DOCK3: variants seen among roughly 807,000 people sequenced by gnomAD.
DOCK3 encodes dedicator of cytokinesis protein 3.
Under a neutral mutation model 265.6 loss-of-function variants are expected in DOCK3, and 60 were observed. That is an observed-to-expected ratio of 0.23 (90% CI 0.18 to 0.28). The LOEUF is 0.28. Among genes scored for constraint, DOCK3 ranks in the 10% least tolerant of loss-of-function variants. The pLI is 1.00. For synonymous variants in DOCK3, 881 were observed against 938.0 expected (o/e 0.94, Z 1.11); for missense variants, 1,981 against 2,594.3 (o/e 0.76, Z 5.14).
intron 3 of DOCK3, among the ~76,000 whole-genome samples, chr3:50,844,038 A>C (rs2045967615): frequency 6.6e-6 from 1 of 152,206 alleles, no homozygotes; most frequent in Non-Finnish European, 1.5e-5. Context: ...ATCTTATTTC[A>C]GTCATAATAA....
intron 2 of DOCK3, among the ~76,000 whole-genome samples, chr3:50,801,644 A>G (rs762921461): frequency 2.6e-5 from 4 of 152,156 alleles, no homozygotes; most frequent in African/African-American, 4.8e-5. Flanking sequence ...AGAATGTTCA[A>G]TGGGCTGATG....
intron 35 of DOCK3, among the ~76,000 whole-genome samples, chr3:51,335,073 T>G (rs1054140246): frequency 6.6e-6 from 1 of 152,218 alleles, no homozygotes; most frequent in African/African-American, 2.4e-5. Context: ...ATAATGTTGA[T>G]GATGGCCCCT....
intron 32 of DOCK3, among the ~76,000 whole-genome samples, chr3:51,319,817 A>G (rs2083580549): frequency 6.6e-6 from 1 of 151,596 alleles, no homozygotes; most frequent in Non-Finnish European, 1.5e-5. Flanking sequence ...GTGAGCTGAG[A>G]TTGCACCACT....
At chr3:50,994,280 C>A (rs750076952) in intron 5 of DOCK3, among the ~76,000 whole-genome samples, 1 of 152,172 alleles carries the variant, frequency 6.6e-6, no homozygotes. Flanking sequence ...ATTTATCAAG[C>A]AGTTACAATG....
intron 10 of DOCK3, among the ~76,000 whole-genome samples, chr3:51,156,729 G>T (rs2085869790): frequency 6.6e-6 from 1 of 152,138 alleles, no homozygotes; most frequent in Non-Finnish European, 1.5e-5. Flanking sequence ...TCAGCCACTT[G>T]AAAAATACCA....
At chr3:50,721,970 A>G (rs1169665960) in intron 1 of DOCK3, among the ~76,000 whole-genome samples, 1 of 152,122 alleles carries the variant, frequency 6.6e-6, no homozygotes, top group Non-Finnish European at 1.5e-5. Context: ...CCACCTGGCA[A>G]TTATTTTCTA....
chr3:51,247,844 G>C (rs939907561), intron 22 of DOCK3, among the ~76,000 whole-genome samples: 2 of 152,162 alleles, frequency 1.3e-5, no homozygotes, highest in African/African-American at 4.8e-5. Context: ...GCAGGGTGCT[G>C]AGGCATGTGA....
rs1222917402 is a variant in DOCK3, at chr3:51,075,381, C to T, written c.490C>T (p.Arg164Trp). The T allele has an allele frequency of 1.2e-6, 2 of 1,611,016 alleles. No homozygotes were observed. Among genetic ancestry groups the T allele is most frequent in the African/African-American group, 1.3e-5 (1 of 74,832 alleles). ...NEHLGLDLVPRKDFEVVDSDQ... is the reference protein window; with the variant it reads ...NEHLGLDLVPWKDFEVVDSDQ... ...ACATTTGGGCCTGGACCTGGTGCCTCGGAAGGACTTTGAAGTAGTGGACTC... is the reference window on the plus strand; with the variant it reads ...ACATTTGGGCCTGGACCTGGTGCCTTGGAAGGACTTTGAAGTAGTGGACTC... Residue 164 changes from arginine to tryptophan, a missense_variant, in exon 7 of 53, where the codon CGG (arginine) becomes TGG (tryptophan). Arg to Trp is a moderately radical substitution (Grantham distance 101, BLOSUM62 -3). This residue lies in a region of DOCK3 where 456 missense variants were observed against 539.0 expected (regional missense o/e 0.85). Coordinates refer to ENST00000266037, the MANE Select transcript of DOCK3 (RefSeq NM_004947.5).
chr3:51,013,206 G>A (rs77811927), intron 5 of DOCK3, among the ~76,000 whole-genome samples: 5 of 152,278 alleles, frequency 3.3e-5, no homozygotes, highest in Middle Eastern at 3.4e-3. Flanking sequence ...AAGGAGCTGC[G>A]ATCCTTTGGA....
chr3:50,927,123 C>T (rs879900259), intron 4 of DOCK3, among the ~76,000 whole-genome samples: 3 of 152,162 alleles, frequency 2.0e-5, no homozygotes, highest in Admixed American at 6.5e-5. Flanking sequence ...TGCCTTGAGG[C>T]TTCTATTGTT....
chr3:51,346,194 G>T (rs576632337), intron 38 of DOCK3, among the ~76,000 whole-genome samples: 1 of 152,076 alleles, frequency 6.6e-6, no homozygotes, highest in Non-Finnish European at 1.5e-5. Context: ...ACAATGTGCA[G>T]GTTTGTTACA....
chr3:50,844,421 A>G (rs1247528349), intron 3 of DOCK3, among the ~76,000 whole-genome samples: 3 of 151,888 alleles, frequency 2.0e-5, no homozygotes, highest in African/African-American at 7.3e-5. Flanking sequence ...GGGTATCTCT[A>G]TGTTACCCAG....
intron 1 of DOCK3, among the ~76,000 whole-genome samples, chr3:50,681,507 C>T (rs2034409109): frequency 6.6e-6 from 1 of 152,150 alleles, no homozygotes; most frequent in African/African-American, 2.4e-5. Flanking sequence ...TATGATTATG[C>T]ATTTAATTGT....
In DOCK3 at chr3:51,277,752, A is replaced by G; in HGVS notation, c.2821A>G (p.Thr941Ala). ...QRCPQCTAEI[T>A]GEYVSCLLSL... Reference sequence around the variant, plus strand: ...GTGCCCGCAGTGCACAGCCGAGATCACTGTTAGTAACTAACATCCAGGTTT... The same window carrying G: ...GTGCCCGCAGTGCACAGCCGAGATCGCTGTTAGTAACTAACATCCAGGTTT... Residue 941 changes from threonine (T) to alanine (A), a missense_variant and splice_region_variant, in exon 26 of 53, where the codon ACT becomes GCT. Thr to Ala is a moderately conservative substitution (Grantham distance 58). This residue lies in a region of DOCK3 where 1,357 missense variants were observed against 1,866.8 expected (regional missense o/e 0.73). Coordinates refer to ENST00000266037, the MANE Select transcript of DOCK3 (RefSeq NM_004947.5). 1 of 1,610,224 alleles carries G rather than the reference A, an allele frequency of 6.2e-7. No homozygotes were observed. Among genetic ancestry groups the G allele is most frequent in the Non-Finnish European group, 8.5e-7 (1 of 1,178,676 alleles).
chr3:51,052,418 G>A (rs1454502025), intron 5 of DOCK3, among the ~76,000 whole-genome samples: 4 of 152,042 alleles, frequency 2.6e-5, no homozygotes. Context: ...CAGCATCACT[G>A]GAGCCTGGGA....
intron 13 of DOCK3, among the ~76,000 whole-genome samples, chr3:51,211,128 TAATC>T (rs1171298039): frequency 1.3e-5 from 2 of 152,148 alleles, no homozygotes; most frequent in African/African-American, 4.8e-5. Flanking sequence ...TTTATATAAT[TAATC>T]CTCATCCAGC....
At chr3:51,086,679 T>C (rs910100432) in intron 7 of DOCK3, among the ~76,000 whole-genome samples, 1 of 152,114 alleles carries the variant, frequency 6.6e-6, no homozygotes, top group African/African-American at 2.4e-5. Flanking sequence ...ATATCTGTAA[T>C]CCCAGCTACT....
chr3:51,314,394 C>A (rs1264803226), intron 31 of DOCK3, among the ~76,000 whole-genome samples: 1 of 152,168 alleles, frequency 6.6e-6, no homozygotes, highest in Non-Finnish European at 1.5e-5. Context: ...AATCTCTAAG[C>A]CAGCCTTTTA....
intron 4 of DOCK3, among the ~76,000 whole-genome samples, chr3:50,927,344 T>G (rs934860886): frequency 6.6e-6 from 1 of 152,198 alleles, no homozygotes; most frequent in Admixed American, 6.5e-5. Context: ...TAAGATCTAG[T>G]CGTTTGATAG....
Sources: allele counts gnomAD v4.1 joint callset (sites outside exome capture counted in the v4.1 genomes callset), GRCh38; gene constraint gnomAD v4.1.1; regional missense constraint gnomAD v4.1.1; transcripts MANE v1.5; gene names NCBI Gene and HGNC (gene_info 2026-07-23, HGNC 2026-07-21).